Variants in SCRG1 observed in about 807,000 individuals in gnomAD.
The protein encoded by SCRG1 is scrapie-responsive protein 1.
Under a neutral mutation model 7.7 loss-of-function variants are expected in SCRG1, and 3 were observed. The ratio of observed to expected loss-of-function variants is 0.39; its 90% CI spans 0.18 to 1.01. The LOEUF (loss-of-function observed/expected upper bound fraction) is 1.01. SCRG1 is among the 50% of genes least tolerant of loss of function. The probability of loss-of-function intolerance (pLI) is 0.36; values close to 1 mark genes in which losing one functional copy is unlikely to be tolerated. For synonymous variants in SCRG1, 46 were observed against 41.2 expected, an observed-to-expected ratio of 1.12 and a Z score of -0.44; for missense variants, 110 against 117.2, an observed-to-expected ratio of 0.94 and a Z score of 0.28.
chr4:173,467,340 G>A, the SCRG1 span, among the ~76,000 whole-genome samples: 1 of 152,078 alleles, frequency 6.6e-6, no homozygotes, highest in African/African-American at 2.4e-5. Context: ...ATGATGACTA[G>A]AATTTAACCT....
chr4:173,415,272 G>A, the SCRG1 span, among the ~76,000 whole-genome samples: 1 of 152,172 alleles, frequency 6.6e-6, no homozygotes, highest in South Asian at 2.1e-4. Flanking sequence ...TGCCCTTAGG[G>A]GCTGTGGCTA....
At chr4:173,430,830 A>AAG in the SCRG1 span, among the ~76,000 whole-genome samples, 1,517 of 119,594 alleles carry the variant, frequency 0.013, 29 homozygotes, top group Middle Eastern at 0.037. Context: ...AAAAAAAAAA[A>AAG]AGAGAGAGAG....
the SCRG1 span, among the ~76,000 whole-genome samples, chr4:173,431,011 A>G: frequency 5.9e-5 from 9 of 152,154 alleles, no homozygotes; most frequent in African/African-American, 1.9e-4. Flanking sequence ...TAAACTACCT[A>G]GTGGGTACAA....
the SCRG1 span, among the ~76,000 whole-genome samples, chr4:173,481,260 A>G: frequency 1.3e-5 from 2 of 152,178 alleles, no homozygotes; most frequent in Non-Finnish European, 2.9e-5. Context: ...AAATCCATAT[A>G]AATTGGTTAC....
At chr4:173,509,541 G>T in the SCRG1 span, among the ~76,000 whole-genome samples, 2 of 152,350 alleles carry the variant, frequency 1.3e-5, no homozygotes, top group Admixed American at 1.3e-4. This position sits in a 1 kb window ranked among gnomAD's most constrained non-coding sequence, Gnocchi z 5.7. Context: ...TCTCCCCAGG[G>T]CTGTGCGCTT....
chr4:173,487,889 T>C, the SCRG1 span, among the ~76,000 whole-genome samples: 86,530 of 151,612 alleles, frequency 0.57, 28,048 homozygotes, highest in Non-Finnish European at 0.73. Flanking sequence ...GATCACTGAG[T>C]TCAGGAGTTC....
chr4:173,463,281 T>A, the SCRG1 span, among the ~76,000 whole-genome samples: 31 of 152,286 alleles, frequency 2.0e-4, no homozygotes, highest in Middle Eastern at 0.01. Flanking sequence ...TATTTATTTA[T>A]TTATTTTTTC....
chr4:173,427,614 T>A, the SCRG1 span, among the ~76,000 whole-genome samples: 2 of 152,218 alleles, frequency 1.3e-5, no homozygotes, highest in Non-Finnish European at 2.9e-5. Context: ...TGCAGCTCCA[T>A]GGCACACAGC....
the SCRG1 span, chr4:173,419,327 AT>A: frequency 1.2e-6 from 1 of 805,958 alleles, no homozygotes; most frequent in Non-Finnish European, 2.0e-6. Flanking sequence ...AGCAAGGGAT[AT>A]TTTGGGACAG....
chr4:173,479,501 C>T, the SCRG1 span, among the ~76,000 whole-genome samples: 1 of 142,790 alleles, frequency 7.0e-6, no homozygotes, highest in Non-Finnish European at 1.5e-5. Flanking sequence ...AGTGCAGTGG[C>T]ATGATCTAGG....
chr4:173,407,547 A>G, upstream of SCRG1, among the ~76,000 whole-genome samples: 1 of 152,170 alleles, frequency 6.6e-6, no homozygotes, highest in East Asian at 1.9e-4. Flanking sequence ...AACGAAAAAA[A>G]GAGAGTAGAG....
chr4:173,513,671 G>T, the SCRG1 span, among the ~76,000 whole-genome samples: 1 of 152,202 alleles, frequency 6.6e-6, no homozygotes, highest in African/African-American at 2.4e-5. Context: ...CTCACACCTT[G>T]CCCAAATTGT....
intron 2 of SCRG1, among the ~76,000 whole-genome samples, chr4:173,390,106 C>T (rs921747092): frequency 7.9e-5 from 12 of 152,120 alleles, no homozygotes; most frequent in East Asian, 1.9e-4. Flanking sequence ...TGCAATGGCA[C>T]GATCTAGGCT....
At chr4:173,390,377 TA>T (rs1463500544) in intron 2 of SCRG1, among the ~76,000 whole-genome samples, 1 of 152,172 alleles carries the variant, frequency 6.6e-6, no homozygotes, top group Non-Finnish European at 1.5e-5. Flanking sequence ...GGTTAACTTA[TA>T]CATAGAGCTA....
the SCRG1 span, among the ~76,000 whole-genome samples, chr4:173,455,498 C>A: frequency 2.0e-5 from 3 of 152,102 alleles, no homozygotes; most frequent in Non-Finnish European, 4.4e-5. Context: ...GGTGTGTCAG[C>A]CACAAGTTGG....
the SCRG1 span, among the ~76,000 whole-genome samples, chr4:173,503,792 G>T: frequency 2.6e-5 from 4 of 152,082 alleles, no homozygotes; most frequent in Non-Finnish European, 5.9e-5. This position sits in a 1 kb window ranked among gnomAD's most constrained non-coding sequence, Gnocchi z 6.4. Flanking sequence ...TTACATCTTC[G>T]CGATGTCCCT....
chr4:173,456,750 A>T, the SCRG1 span, among the ~76,000 whole-genome samples: 1 of 17,416 alleles, frequency 5.7e-5, no homozygotes, highest in Non-Finnish European at 1.4e-4. Context: ...AACAGCTCTA[A>T]GGATTGACAA....
the SCRG1 span, among the ~76,000 whole-genome samples, chr4:173,414,056 A>G: frequency 2.0e-5 from 3 of 152,202 alleles, no homozygotes; most frequent in Admixed American, 2.0e-4. Flanking sequence ...TGTTACAAAT[A>G]AATAAATGTG....
the SCRG1 span, among the ~76,000 whole-genome samples, chr4:173,421,418 G>C: frequency 4.6e-5 from 7 of 151,806 alleles, no homozygotes; most frequent in African/African-American, 1.7e-4. Flanking sequence ...TAGTTTGTTG[G>C]GGGGGGGTTG....
Sources: allele counts gnomAD v4.1 joint callset (sites outside exome capture counted in the v4.1 genomes callset), GRCh38; gene constraint gnomAD v4.1.1; non-coding constraint Gnocchi (gnomAD v3.1); transcripts MANE v1.5; gene names NCBI Gene and HGNC (gene_info 2026-07-23, HGNC 2026-07-21).